LRBA: variants seen among roughly 807,000 people sequenced by gnomAD.
LRBA encodes the protein LPS responsive beige-like anchor protein, also known as lipopolysaccharide-responsive and beige-like anchor protein.
LRBA carries 176 observed loss-of-function variants against 330.0 expected under a neutral mutation model. The observed-to-expected ratio is 0.53, with a 90% confidence interval of 0.47 to 0.60. The LOEUF is 0.60. LRBA is among the 20% of genes least tolerant of loss of function. The pLI is 0.00. For missense variants in LRBA, 3,259 were observed against 3,444.8 expected, an observed-to-expected ratio of 0.95 and a Z score of 1.35; for synonymous variants, 1,230 against 1,193.0, an observed-to-expected ratio of 1.03 and a Z score of -0.64.
chr4:150,366,988 G>A (rs1440861865), intron 47 of LRBA, among the ~76,000 whole-genome samples: 1 of 152,126 alleles, frequency 6.6e-6, no homozygotes, highest in Non-Finnish European at 1.5e-5. Flanking sequence ...AAGCTTCAAA[G>A]TAGAACTAAT....
intron 33 of LRBA, 70 bp from the exon 34 acceptor site, chr4:150,798,212 A>T: frequency 1.0e-6 from 1 of 983,516 alleles, no homozygotes; most frequent in Non-Finnish European, 1.6e-6. Context: ...AATTTCATCC[A>T]AACTGTTTCT....
chr4:150,446,331 G>A (rs1752612858), intron 44 of LRBA, among the ~76,000 whole-genome samples: 1 of 152,166 alleles, frequency 6.6e-6, no homozygotes, highest in African/African-American at 2.4e-5. Flanking sequence ...GAGCCTATGT[G>A]GTAGCTTTCA....
Position 150,389,435 on chromosome 4 carries a change from TGAATCAAGAGAG to T in LRBA, c.7194+25991_7194+26002del, listed in dbSNP as rs987508927. Among the ~76,000 whole-genome samples the T allele has an allele frequency of 1.5e-4, 23 of 151,944 alleles. 1 individual carries two copies. The highest frequency in any genetic ancestry group is 6.2e-4 in the South Asian group (3 of 4,810). ...TTCAGAGTTTTGCTTTGTTATGACC[TGAATCAAGAGAG>T]GAATCAAGAGAGGAATCAGGAGGCT... On this transcript the variant is annotated intron_variant, in intron 47 of 56. Coordinates refer to ENST00000651943, the MANE Select transcript of LRBA (RefSeq NM_001364905.1).
At chr4:150,732,780 C>A (rs1730634183) in intron 36 of LRBA, among the ~76,000 whole-genome samples, 1 of 151,932 alleles carries the variant, frequency 6.6e-6, no homozygotes, top group Admixed American at 6.6e-5. Flanking sequence ...TTCTAAATAT[C>A]CTACATTTTG....
intron 44 of LRBA, among the ~76,000 whole-genome samples, chr4:150,460,809 T>A (rs1014548079): frequency 5.3e-5 from 8 of 151,854 alleles, no homozygotes; most frequent in Non-Finnish European, 8.8e-5. Flanking sequence ...TTTTCCTTCA[T>A]TTTAAAAATG....
intron 41 of LRBA, among the ~76,000 whole-genome samples, chr4:150,489,070 A>T (rs1159006829): frequency 7.0e-5 from 4 of 56,820 alleles, no homozygotes; most frequent in Non-Finnish European, 1.2e-4. Flanking sequence ...TATATAATAT[A>T]TTATATATAA....
intron 22 of LRBA, among the ~76,000 whole-genome samples, chr4:150,855,640 C>T (rs755611619): frequency 4.6e-5 from 7 of 152,062 alleles, no homozygotes; most frequent in Non-Finnish European, 1.0e-4. Flanking sequence ...GTGCCCTGCC[C>T]AAACTGTACT....
At chr4:150,387,302 T>C (rs1403553458) in intron 47 of LRBA, among the ~76,000 whole-genome samples, 2 of 152,208 alleles carry the variant, frequency 1.3e-5, no homozygotes, top group Non-Finnish European at 2.9e-5. Context: ...TAAGGCAATC[T>C]ATATTACCTT....
At chr4:150,567,952 G>A (rs1430560002) in intron 40 of LRBA, among the ~76,000 whole-genome samples, 1 of 152,076 alleles carries the variant, frequency 6.6e-6, no homozygotes, top group African/African-American at 2.4e-5. Context: ...TAAGAGGAAA[G>A]AACAAAAACA....
At chr4:150,952,717 T>A (rs1273391884) in intron 2 of LRBA, among the ~76,000 whole-genome samples, 2 of 152,106 alleles carry the variant, frequency 1.3e-5, no homozygotes, top group Admixed American at 6.5e-5. Flanking sequence ...TATCTGCATA[T>A]CTCTTCTTTG....
At chr4:150,519,983 C>T (rs1310521329) in intron 40 of LRBA, among the ~76,000 whole-genome samples, 1 of 152,150 alleles carries the variant, frequency 6.6e-6, no homozygotes, top group African/African-American at 2.4e-5. Flanking sequence ...ACCTGCCTTC[C>T]TTTATCAAGT....
At chr4:150,758,132 C>T (rs540798170) in intron 35 of LRBA, among the ~76,000 whole-genome samples, 1 of 152,284 alleles carries the variant, frequency 6.6e-6, no homozygotes, top group South Asian at 2.1e-4. Flanking sequence ...CAGTAGACAC[C>T]TGTATATGCA....
intron 38 of LRBA, among the ~76,000 whole-genome samples, chr4:150,598,162 A>AGG (rs1467613533): frequency 1.3e-5 from 2 of 152,168 alleles, no homozygotes; most frequent in Non-Finnish European, 2.9e-5. Context: ...AATACCCTGA[A>AGG]AAAGGAAAAT....
At chr4:150,924,568 G>A (rs1733684412) in intron 4 of LRBA, among the ~76,000 whole-genome samples, 1 of 152,070 alleles carries the variant, frequency 6.6e-6, no homozygotes, top group African/African-American at 2.4e-5. Context: ...TCAAGAGTCC[G>A]TAAAGACGTT....
chr4:150,909,836 CTTTTT>C (rs1234275933), intron 9 of LRBA, among the ~76,000 whole-genome samples: 5 of 152,032 alleles, frequency 3.3e-5, no homozygotes, highest in Admixed American at 1.3e-4. Context: ...ATTTTGTTTT[CTTTTT>C]TAAGTAGTCA....
rs1008775764 is a variant in LRBA at position 150,411,289 on chromosome 4, G to A, written c.7194+4149C>T. ...ATCTTCATTACTTACAGAAAACTGA[G>A]GATAAGAGTCGTTGGGTGAGACAGT... is the stretch of plus-strand genomic sequence containing the variant. On this transcript the variant is annotated intron_variant, in intron 47 of 56. Transcript: ENST00000651943. 2.6e-5 allele frequency among the ~76,000 whole-genome samples: 4 copies of A among 152,118 alleles called. No individual in the cohort carries two copies. In the South Asian group the frequency reaches 8.3e-4, roughly 32 times the overall value.
chr4:150,270,877 ATT>A (rs1745994681), intron 56 of LRBA, among the ~76,000 whole-genome samples: 1 of 152,204 alleles, frequency 6.6e-6, no homozygotes, highest in Non-Finnish European at 1.5e-5. Context: ...AGCTCTTTCA[ATT>A]TTATTTACTG....
intron 40 of LRBA, among the ~76,000 whole-genome samples, chr4:150,526,428 T>C (rs1467285299): frequency 6.6e-6 from 1 of 152,192 alleles, no homozygotes; most frequent in Non-Finnish European, 1.5e-5. Flanking sequence ...TCATTTGCAG[T>C]TACAGATTGT....
At chr4:150,477,936 T>C (rs1756896489) in intron 42 of LRBA, among the ~76,000 whole-genome samples, 1 of 152,098 alleles carries the variant, frequency 6.6e-6, no homozygotes, top group South Asian at 2.1e-4. Context: ...CAGGTATTTC[T>C]TTATAGAGGT....
Sources: gnomAD v4.1 joint callset for allele counts (sites outside exome capture counted in the v4.1 genomes callset) on GRCh38, gnomAD v4.1.1 for gene constraint, MANE v1.5 for transcripts, NCBI Gene and HGNC (gene_info 2026-07-23, HGNC 2026-07-21) for gene names.